Variants in PHB1 observed in about 807,000 individuals in gnomAD.
The protein encoded by PHB1 is epididymis luminal protein 215.
the PHB1 span, among the ~76,000 whole-genome samples, chr17:49,410,353 T>C: frequency 3.7e-4 from 57 of 152,112 alleles, no homozygotes; most frequent in Admixed American, 3.5e-3. Flanking sequence ...GATTATAAGA[T>C]CCCAGAGGGC....
chr17:49,410,425 T>A, the PHB1 span, among the ~76,000 whole-genome samples: 3 of 152,212 alleles, frequency 2.0e-5, no homozygotes, highest in Non-Finnish European at 2.9e-5. Flanking sequence ...AAAGAGTTTA[T>A]AATTTCTTAA....
the PHB1 span, chr17:49,413,163 C>T: frequency 6.5e-5 from 103 of 1,588,850 alleles, no homozygotes; most frequent in Non-Finnish European, 3.1e-5. Context: ...ACCCACTGTC[C>T]CTCCATGCCT....
chr17:49,409,223 A>G, the PHB1 span: 2 of 1,573,904 alleles, frequency 1.3e-6, no homozygotes, highest in Middle Eastern at 1.7e-4. Context: ...AGGAACCAGG[A>G]AACTAGCAGC....
the PHB1 span, among the ~76,000 whole-genome samples, chr17:49,405,591 G>A: frequency 0.23 from 35,204 of 152,052 alleles, 5,152 homozygotes; most frequent in Non-Finnish European, 0.33. Context: ...TTTTCCTCCA[G>A]CCTTAAGTCT....
chr17:49,404,564 T>C, the PHB1 span: 1 of 254,610 alleles, frequency 3.9e-6, no homozygotes, highest in Non-Finnish European at 7.8e-6. Flanking sequence ...GCCTTCTCAG[T>C]TCAGCCGCAC....
chr17:49,406,299 C>T, the PHB1 span, among the ~76,000 whole-genome samples: 1 of 152,180 alleles, frequency 6.6e-6, no homozygotes, highest in Admixed American at 6.5e-5. Context: ...ACCAGAAAGA[C>T]CAGGCTGCTA....
the PHB1 span, among the ~76,000 whole-genome samples, chr17:49,406,135 C>A: frequency 6.6e-6 from 1 of 152,210 alleles, no homozygotes; most frequent in African/African-American, 2.4e-5. Flanking sequence ...TACAAAGCAA[C>A]ACAAGTCTCT....
At chr17:49,407,731 A>G in the PHB1 span, among the ~76,000 whole-genome samples, 2 of 152,174 alleles carry the variant, frequency 1.3e-5, no homozygotes, top group African/African-American at 2.4e-5. Context: ...CTGCTTTTTA[A>G]AAAAGCAGCT....
the PHB1 span, chr17:49,404,948 G>A: frequency 1.5e-6 from 2 of 1,297,316 alleles, no homozygotes; most frequent in Non-Finnish European, 1.1e-6. Flanking sequence ...AATCATCGGG[G>A]CTGTGGCCCA....
the PHB1 span, among the ~76,000 whole-genome samples, chr17:49,410,207 C>T: frequency 6.6e-6 from 1 of 152,172 alleles, no homozygotes; most frequent in African/African-American, 2.4e-5. Flanking sequence ...TTTTTAGAGA[C>T]AAGGTCTTGC....
chr17:49,412,432 G>T, the PHB1 span, among the ~76,000 whole-genome samples: 1 of 152,196 alleles, frequency 6.6e-6, no homozygotes, highest in African/African-American at 2.4e-5. Flanking sequence ...TATAAGCCAA[G>T]CAGGCTTTTC....
chr17:49,409,724 G>C, the PHB1 span, among the ~76,000 whole-genome samples: 2 of 151,768 alleles, frequency 1.3e-5, no homozygotes, highest in African/African-American at 4.8e-5. Flanking sequence ...ATTTTTAGTA[G>C]AGACAGGGTG....
the PHB1 span, chr17:49,413,118 G>T: frequency 2.4e-6 from 3 of 1,249,798 alleles, no homozygotes; most frequent in Non-Finnish European, 2.3e-6. Context: ...CATGGGCTAT[G>T]CAGACCAACA....
the PHB1 span, chr17:49,406,919 C>T: frequency 8.5e-7 from 1 of 1,170,784 alleles, no homozygotes; most frequent in East Asian, 2.3e-5. Flanking sequence ...GCTGGGAGGG[C>T]TCCATGGCCG....
chr17:49,408,887 G>A, the PHB1 span: 52 of 618,744 alleles, frequency 8.4e-5, no homozygotes, highest in Non-Finnish European at 1.3e-4. Context: ...AAAAACCCAC[G>A]GAGACTGCCT....
chr17:49,405,930 C>T, the PHB1 span, among the ~76,000 whole-genome samples: 1 of 152,172 alleles, frequency 6.6e-6, no homozygotes, highest in Non-Finnish European at 1.5e-5. Context: ...CTACCAATAT[C>T]AATAGGAAGA....
chr17:49,410,423 T>TATA, the PHB1 span, among the ~76,000 whole-genome samples: 1 of 152,216 alleles, frequency 6.6e-6, no homozygotes, highest in Non-Finnish European at 1.5e-5. Context: ...ATAAAGAGTT[T>TATA]ATAATTTCTT....
chr17:49,413,117 T>C, the PHB1 span: 4 of 1,242,538 alleles, frequency 3.2e-6, no homozygotes, highest in East Asian at 7.1e-5. Context: ...ACATGGGCTA[T>C]GCAGACCAAC....
chr17:49,405,307 AG>A, the PHB1 span: 1 of 974,556 alleles, frequency 1.0e-6, no homozygotes, highest in Non-Finnish European at 1.6e-6. Context: ...AGGCTCCTGA[AG>A]GAACTCGGGG....
Sources: allele counts gnomAD v4.1 joint callset (sites outside exome capture counted in the v4.1 genomes callset), GRCh38; gene constraint gnomAD v4.1.1; transcripts MANE v1.5; gene names NCBI Gene and HGNC (gene_info 2026-07-23, HGNC 2026-07-21).